Variants in NOX5 observed in about 807,000 individuals in gnomAD.
The protein encoded by NOX5 is NADPH oxidase, EF-hand calcium binding domain 5.
In NOX5, 76 loss-of-function variants were observed where a neutral mutation model predicts 85.7. The observed-to-expected ratio is 0.89, with a 90% CI of 0.74 to 1.07. NOX5 has a LOEUF of 1.07. Ranked by LOEUF, NOX5 falls within the 50% of genes least tolerant of loss-of-function variation. The pLI, the probability that NOX5 is intolerant of heterozygous loss-of-function variation, is 0.00. For missense variants in NOX5, 973 were observed against 999.5 expected (o/e 0.97, Z 0.36); for synonymous variants, 405 against 401.4 (o/e 1.01, Z -0.11).
Position 69,058,920 on chromosome 15 carries a change from T to C in NOX5, c.*2224T>C, listed in dbSNP as rs922090600. 2 of 152,224 alleles carry C rather than the reference T, an allele frequency of 1.3e-5. No homozygotes were observed. Among genetic ancestry groups the C allele is most frequent in the Non-Finnish European group, 2.9e-5 (2 of 68,050 alleles). The allele number at this position is 152,224 out of a possible 1,614,324, so 9.4% of individuals were successfully genotyped here. A position where few individuals can be genotyped will look rare whatever the true frequency, so the allele number is the denominator to read the frequency against. On this transcript the variant is annotated 3_prime_UTR_variant, in exon 16 of 16. Transcript: ENST00000388866. ...GGCTGTGCCAAATCATTTGGAAACG[T>C]GGCAGAATCTGTTTAGCACAGGATG...
At position 69,026,614 on chromosome 15, in the gene NOX5, G is replaced by C. The variant is rs1193904942; in HGVS notation, c.137G>C (p.Ser46Thr). 6.2e-7 allele frequency: 1 copy of C among 1,614,092 alleles called. No individual in the cohort carries two copies. The highest frequency in any genetic ancestry group is 8.5e-7 in the Non-Finnish European group (1 of 1,180,042). The change falls in exon 2 of 16, where the codon AGC becomes ACC. Residue 46 changes from serine to threonine, a missense_variant. By Grantham distance (58) the Ser-to-Thr change is moderately conservative. Coordinates refer to ENST00000388866, the MANE Select transcript of NOX5 (RefSeq NM_024505.4). ...ATTGCAGGAGAAGATGGGGAGATCA[G>C]CCTGCAAGAATTCAAAGCAGCTCTG... ...KTIAGEDGEI[S>T]LQEFKAALHV...
intron 14 of NOX5, among the ~76,000 whole-genome samples, chr15:69,050,035 C>T (rs960574556): frequency 6.6e-6 from 1 of 152,220 alleles, no homozygotes; most frequent in Non-Finnish European, 1.5e-5. Context: ...CTTTCTATCA[C>T]TACAATTTTG....
intron 2 of NOX5, among the ~76,000 whole-genome samples, chr15:69,027,606 CTTA>C (rs2050374981): frequency 2.0e-5 from 3 of 152,206 alleles, no homozygotes; most frequent in African/African-American, 7.2e-5. Context: ...AGCCTGTCTT[CTTA>C]ATTTCTGTGC....
In NOX5 at chr15:69,060,674, A is replaced by T. The variant is rs2050862965; in HGVS notation, c.*3978A>T. 1 of 152,244 alleles carries T rather than the reference A, an allele frequency of 6.6e-6. No individual in the cohort carries two copies. Among genetic ancestry groups the T allele is most frequent in the South Asian group, 2.1e-4 (1 of 4,832 alleles). The allele number at this position is 152,244 out of a possible 1,614,324, so 9.4% of individuals were successfully genotyped here. ...AATATTATAGTTTTATTTTAAAAAG[A>T]AACCCCAAATAGGATGTCATGTAAA... On this transcript the variant is annotated 3_prime_UTR_variant, in exon 16 of 16. Coordinates refer to ENST00000388866, the MANE Select transcript of NOX5 (RefSeq NM_024505.4).
rs2050879852 is a variant in NOX5 at position 69,062,517 on chromosome 15, C to A, written c.*5821C>A. On this transcript the variant is annotated 3_prime_UTR_variant, in exon 16 of 16. Coordinates refer to ENST00000388866, the MANE Select transcript of NOX5 (RefSeq NM_024505.4). ...AGTATTACCTGGCCCTTGCCTACCT[C>A]TCAGGTCTTGGCAATGTCCACCTTG... 1 of 152,212 alleles carries A rather than the reference C, an allele frequency of 6.6e-6. No individual in the cohort carries two copies. Among genetic ancestry groups the A allele is most frequent in the African/African-American group, 2.4e-5 (1 of 41,454 alleles). 9.4% of individuals were successfully genotyped at this position (152,212 alleles called of 1,614,324 possible).
In NOX5 at chr15:69,037,076, A is replaced by T; in HGVS notation, c.1237A>T (p.Ile413Phe). Residue 413 changes from isoleucine (I) to phenylalanine (F), a missense_variant, in exon 8 of 16, where the codon ATC becomes TTC. Ile to Phe is a conservative substitution (Grantham distance 21). Coordinates refer to ENST00000388866, the MANE Select transcript of NOX5 (RefSeq NM_024505.4). The stretch of plus-strand genomic sequence containing the variant: ...CTACCTCCTCGTGTGGCTTCTGCTC[A>T]TCTTTCATGGGCCCAACTTCTGGAA... Reference protein sequence around the residue: ...LSYLLVWLLLIFHGPNFWKWL... With the variant: ...LSYLLVWLLLFFHGPNFWKWL... 2.5e-6 allele frequency: 4 copies of T among 1,613,504 alleles called. No homozygotes were observed. The highest frequency in any genetic ancestry group is 3.4e-6 in the Non-Finnish European group (4 of 1,179,912).
At chr15:69,054,580 A>T (rs1256460661) in intron 14 of NOX5, among the ~76,000 whole-genome samples, 2 of 152,232 alleles carry the variant, frequency 1.3e-5, no homozygotes, top group Admixed American at 1.3e-4. Context: ...CCCCGCAAAC[A>T]TCGCGTTTGT....
At chr15:69,045,056 A>G (rs973534148) in intron 10 of NOX5, among the ~76,000 whole-genome samples, 2 of 152,176 alleles carry the variant, frequency 1.3e-5, no homozygotes, top group African/African-American at 2.4e-5. Flanking sequence ...GTGGCCTAGT[A>G]AGGCTGAGGA....
At chr15:69,025,783 C>G (rs1439819402) in intron 1 of NOX5, among the ~76,000 whole-genome samples, 4 of 152,148 alleles carry the variant, frequency 2.6e-5, no homozygotes, top group African/African-American at 9.7e-5. Flanking sequence ...GGTCCTAATG[C>G]TAGGGAAGTG....
Position 69,061,912 on chromosome 15 carries a change from C to G in NOX5, c.*5216C>G, listed in dbSNP as rs1170948002. ...AATTCTGAGATTTACCCAAATTTGG[C>G]TGGACATGAGTTTATAAATACAGAT... is the stretch of plus-strand genomic sequence containing the variant. On this transcript the variant is annotated 3_prime_UTR_variant, in exon 16 of 16. Transcript: ENST00000388866. 1 of 152,100 alleles carries G rather than the reference C, an allele frequency of 6.6e-6. No homozygotes were observed. Among genetic ancestry groups the G allele is most frequent in the Non-Finnish European group, 1.5e-5 (1 of 68,004 alleles). The allele number at this position is 152,100 out of a possible 1,614,324, so 9.4% of individuals were successfully genotyped here.
intron 14 of NOX5, among the ~76,000 whole-genome samples, chr15:69,049,787 C>T (rs956754514): frequency 1.7e-4 from 26 of 152,234 alleles, no homozygotes; most frequent in Admixed American, 1.1e-3. Context: ...GCTCCTCAAA[C>T]GATTCTTATT....
At chr15:69,038,450 C>G in intron 8 of NOX5, 1 of 259,046 alleles carries the variant, frequency 3.9e-6, no homozygotes, top group Non-Finnish European at 7.4e-6. Flanking sequence ...AAGCAATTGT[C>G]TGGAAAGATG....
At chr15:69,034,450 T>C (rs1040721940) in intron 5 of NOX5, among the ~76,000 whole-genome samples, 20 of 152,232 alleles carry the variant, frequency 1.3e-4, no homozygotes, top group Non-Finnish European at 2.8e-4. Flanking sequence ...TCTTGGTCAC[T>C]TGCTCATGTA....
At position 69,031,524 on chromosome 15, in the gene NOX5, C is replaced by T. The variant is rs767776363; in HGVS notation, c.332C>T (p.Ala111Val). ...GGCCCACCACTTCTTGCAGTGTGTG[C>T]ACGGCAGGGGGCGTCTGCAGGTACA... ...LFQVYDIDVC[A>V]RQGASAGTEW... Residue 111 changes from alanine to valine, a missense_variant, in exon 4 of 16, where the codon GCA (alanine) becomes GTA (valine). Transcript: ENST00000388866. 6.2e-7 allele frequency: 1 copy of T among 1,606,154 alleles called. No individual in the cohort carries two copies. Among genetic ancestry groups the T allele is most frequent in the Non-Finnish European group, 8.5e-7 (1 of 1,176,906 alleles).
At chr15:69,045,606 TTTC>T (rs2050662881) in intron 10 of NOX5, among the ~76,000 whole-genome samples, 1 of 116,020 alleles carries the variant, frequency 8.6e-6, no homozygotes, top group African/African-American at 3.5e-5. Context: ...TTCTTTTTTT[TTTC>T]TCTCTCTCTC....
intron 2 of NOX5, 43 bp from the exon 3 acceptor site, chr15:69,028,172 C>G (rs1192425566): frequency 6.5e-7 from 1 of 1,540,388 alleles, no homozygotes; most frequent in Admixed American, 1.9e-5. Context: ...AGCCCAGGCC[C>G]TGCGGCCACA....
intron 11 of NOX5, 65 bp from the exon 12 acceptor site, chr15:69,047,348 C>T (rs2050686731): frequency 6.7e-7 from 1 of 1,488,832 alleles, no homozygotes; most frequent in Non-Finnish European, 8.9e-7. Context: ...TGGGGACATC[C>T]CCTGGTAGCA....
At chr15:69,017,312 A>C (rs919146957) in intron 1 of NOX5, among the ~76,000 whole-genome samples, 1 of 151,806 alleles carries the variant, frequency 6.6e-6, no homozygotes, top group Admixed American at 6.6e-5. Context: ...CCACCACACC[A>C]GGCTAATTTT....
intron 10 of NOX5, 108 bp downstream of exon 10, chr15:69,042,913 A>C: frequency 8.1e-7 from 1 of 1,227,042 alleles, no homozygotes; most frequent in South Asian, 1.5e-5. Context: ...TGCTGTGTAC[A>C]TAGATGGCAG....
Sources: gnomAD v4.1 joint callset for allele counts (sites outside exome capture counted in the v4.1 genomes callset) on GRCh38, gnomAD v4.1.1 for gene constraint, MANE v1.5 for transcripts, NCBI Gene and HGNC (gene_info 2026-07-23, HGNC 2026-07-21) for gene names.